AKAP6: variants seen among roughly 807,000 people sequenced by gnomAD.
The protein encoded by AKAP6 is A-kinase anchor protein 6.
A neutral mutation model predicts 188.5 loss-of-function variants in AKAP6; 58 were observed. The observed-to-expected ratio is 0.31, with a 90% CI of 0.25 to 0.38. The LOEUF is 0.38. Among genes scored for constraint, AKAP6 ranks in the 10% least tolerant of loss-of-function variants. The pLI is 1.00. For missense variants in AKAP6, 2,710 were observed against 2,740.0 expected, an observed-to-expected ratio of 0.99 and a Z score of 0.24; for synonymous variants, 989 against 998.6, an observed-to-expected ratio of 0.99 and a Z score of 0.18.
intron 12 of AKAP6, among the ~76,000 whole-genome samples, chr14:32,800,153 C>CATATATATACACATATATATACATAT (rs2033902283): frequency 8.5e-6 from 1 of 117,672 alleles, no homozygotes; most frequent in African/African-American, 3.1e-5. Flanking sequence ...CACATATATA[C>CATATATATACACATATATATACATAT]ATATATATAC....
intron 4 of AKAP6, among the ~76,000 whole-genome samples, chr14:32,567,990 G>A (rs1005052725): frequency 6.6e-6 from 1 of 152,052 alleles, no homozygotes; most frequent in African/African-American, 2.4e-5. Context: ...CAAAGGAGGG[G>A]AGGGGCTGGA....
At chr14:32,794,302 T>G (rs1017164527) in intron 12 of AKAP6, among the ~76,000 whole-genome samples, 2 of 152,152 alleles carry the variant, frequency 1.3e-5, no homozygotes, top group African/African-American at 4.8e-5. Flanking sequence ...GGCTCACACC[T>G]GTAATCCCAG....
At chr14:32,560,181 A>G (rs1156731363) in intron 4 of AKAP6, among the ~76,000 whole-genome samples, 1 of 152,170 alleles carries the variant, frequency 6.6e-6, no homozygotes, top group Non-Finnish European at 1.5e-5. Context: ...ATAACATTTT[A>G]AAAGGTAAGG....
chr14:32,435,199 T>C (rs1294356263), intron 2 of AKAP6, among the ~76,000 whole-genome samples: 4 of 152,172 alleles, frequency 2.6e-5, no homozygotes. Context: ...AGGCTACCCT[T>C]ACATGTAGCT....
chr14:32,523,344 A>G (rs1031680384), intron 2 of AKAP6, among the ~76,000 whole-genome samples: 3 of 152,154 alleles, frequency 2.0e-5, no homozygotes, highest in Non-Finnish European at 4.4e-5. Context: ...AAAAAAGAAT[A>G]TCATCATGCT....
At chr14:32,518,768 T>C (rs1303306229) in intron 2 of AKAP6, among the ~76,000 whole-genome samples, 1 of 152,176 alleles carries the variant, frequency 6.6e-6, no homozygotes, top group African/African-American at 2.4e-5. Context: ...TGGAAAACAC[T>C]ATTCAGGATA....
chr14:32,803,061 G>T (rs2140094774), intron 12 of AKAP6, among the ~76,000 whole-genome samples: 2 of 152,322 alleles, frequency 1.3e-5, no homozygotes, highest in Admixed American at 1.3e-4. Flanking sequence ...TTGCACTCCA[G>T]CCTGGGCAAC....
At chr14:32,335,842 C>CTTTTTTTTTTT (rs375076849) in intron 1 of AKAP6, among the ~76,000 whole-genome samples, 6 of 93,996 alleles carry the variant, frequency 6.4e-5, no homozygotes, top group African/African-American at 1.3e-4. Context: ...TCCTTTTCTC[C>CTTTTTTTTTTT]TTTTTTTTTT....
intron 2 of AKAP6, among the ~76,000 whole-genome samples, chr14:32,506,980 A>ATT (rs377126923): frequency 2.0e-5 from 3 of 152,010 alleles, no homozygotes; most frequent in African/African-American, 7.2e-5. Flanking sequence ...CTTAAAAATC[A>ATT]TTTTTTTTCC....
At chr14:32,803,379 A>G (rs1366533103) in intron 12 of AKAP6, among the ~76,000 whole-genome samples, 1 of 152,158 alleles carries the variant, frequency 6.6e-6, no homozygotes, top group African/African-American at 2.4e-5. Context: ...AAGCCATCAA[A>G]TATTTACAGG....
In AKAP6 at chr14:32,739,704, A is replaced by G. The variant is rs531032185; in HGVS notation, c.3372+3822A>G. Among the ~76,000 whole-genome samples, 75 of 152,218 alleles carry G rather than the reference A, an allele frequency of 4.9e-4. 1 individual carries two copies. In the Middle Eastern group the frequency reaches 0.01, roughly 21 times the overall value. ...ATGTTGTTGTAAATGACACGATCTC[A>G]TTCTTTTTTATAGCTGAATAGTATT... On this transcript the variant is annotated intron_variant, in intron 11 of 13. Coordinates refer to ENST00000280979, the MANE Select transcript of AKAP6 (RefSeq NM_004274.5).
Position 32,732,737 on chromosome 14 carries a change from T to C in AKAP6, c.3147+137T>C, listed in dbSNP as rs1319473574. 6 of 1,026,944 alleles carry C rather than the reference T, an allele frequency of 5.8e-6. No individual in the cohort carries two copies. The East Asian group carries it at 1.5e-4, about 25-fold the overall frequency. 63.6% of individuals were successfully genotyped at this position (1,026,944 alleles called of 1,614,324 possible). On this transcript the variant is annotated intron_variant, in intron 10 of 13. Transcript: ENST00000280979. ...ACCTACGTTTCAAACAAGCTATTCATGCTATTATGGGAAAGACACTGCTTT... is the reference window on the plus strand; with the variant it reads ...ACCTACGTTTCAAACAAGCTATTCACGCTATTATGGGAAAGACACTGCTTT...
chr14:32,808,856 T>C (rs149493290), intron 12 of AKAP6, among the ~76,000 whole-genome samples: 2 of 152,292 alleles, frequency 1.3e-5, no homozygotes, highest in Non-Finnish European at 2.9e-5. Context: ...ACCAGCTGCA[T>C]GGAGCAGTGT....
At chr14:32,359,171 T>C (rs1456756366) in intron 1 of AKAP6, among the ~76,000 whole-genome samples, 1 of 152,086 alleles carries the variant, frequency 6.6e-6, no homozygotes, top group Non-Finnish European at 1.5e-5. Flanking sequence ...AGTGTTACAG[T>C]AGAGTTTTAG....
intron 4 of AKAP6, among the ~76,000 whole-genome samples, chr14:32,548,093 CTTTTTTTTTT>C (rs71115082): frequency 2.9e-5 from 3 of 104,236 alleles, no homozygotes; most frequent in Non-Finnish European, 5.8e-5. Context: ...CTCCCACATG[CTTTTTTTTTT>C]TTTTTTTTTT....
Position 32,824,431 on chromosome 14 carries a change from T to C in AKAP6, c.6618T>C (p.Asp2206=). 6.2e-7 allele frequency: 1 copy of C among 1,613,918 alleles called. No homozygotes were observed. Among genetic ancestry groups the C allele is most frequent in the Non-Finnish European group, 8.5e-7 (1 of 1,179,946 alleles). ...SEFSDSSLSA[D]DADTVALSSP... ...TCAGTGATAGTTCTCTTTCAGCTGATGATGCAGATACAGTGGCTCTTTCAA... is the reference window on the plus strand; with the variant it reads ...TCAGTGATAGTTCTCTTTCAGCTGACGATGCAGATACAGTGGCTCTTTCAA... The change falls in exon 13 of 14, where the codon GAT becomes GAC. Residue 2206 remains aspartate (D), a synonymous_variant. Transcript: ENST00000280979.
intron 7 of AKAP6, among the ~76,000 whole-genome samples, chr14:32,642,640 C>T (rs747806894): frequency 3.9e-4 from 59 of 152,054 alleles, no homozygotes; most frequent in Non-Finnish European, 1.3e-4. Context: ...CAGAAAGGAG[C>T]ATTTAAAAAA....
At chr14:32,735,612 T>TTTTG (rs752055016) in intron 10 of AKAP6, 46 bp from the exon 11 acceptor site, 8 of 1,416,356 alleles carry the variant, frequency 5.6e-6, no homozygotes, top group Non-Finnish European at 7.7e-6. Context: ...TGGGGTTTTT[T>TTTTG]TTTGTTTGTT....
chr14:32,415,399 TTA>T (rs1491564743), intron 1 of AKAP6, among the ~76,000 whole-genome samples: 1 of 83,032 alleles, frequency 1.2e-5, no homozygotes, highest in Non-Finnish European at 3.5e-5. Flanking sequence ...ACTTGAGACT[TTA>T]AGTTAACTTA....
Sources: allele counts gnomAD v4.1 joint callset (sites outside exome capture counted in the v4.1 genomes callset), GRCh38; gene constraint gnomAD v4.1.1; transcripts MANE v1.5; gene names NCBI Gene and HGNC (gene_info 2026-07-23, HGNC 2026-07-21).